The following RHOA variants were observed in gnomAD, a reference collection of about 807,000 sequenced individuals.
The protein encoded by RHOA is transforming protein RhoA.
RHOA carries 3 observed loss-of-function variants against 17.5 expected under a neutral mutation model. The ratio of observed to expected loss-of-function variants is 0.17; its 90% CI spans 0.08 to 0.44. RHOA has a LOEUF of 0.44. RHOA is among the 20% of genes least tolerant of loss of function. The pLI, the probability that RHOA is intolerant of heterozygous loss-of-function variation, is 0.99. For synonymous variants in RHOA, 98 were observed against 88.4 expected, an observed-to-expected ratio of 1.11 and a Z score of -0.61; for missense variants, 56 against 242.3, an observed-to-expected ratio of 0.23 and a Z score of 5.10.
chr3:49,384,067 A>G (rs2048359520), intron 1 of RHOA, among the ~76,000 whole-genome samples: 1 of 152,118 alleles, frequency 6.6e-6, no homozygotes, highest in African/African-American at 2.4e-5. Flanking sequence ...AATATCTGAT[A>G]AAGAACATTT....
intron 1 of RHOA, among the ~76,000 whole-genome samples, chr3:49,394,018 C>A (rs1292674350): frequency 1.3e-5 from 2 of 151,440 alleles, no homozygotes; most frequent in East Asian, 3.9e-4. Flanking sequence ...CTACAGGCAC[C>A]CGCCAACACG....
In RHOA at chr3:49,386,777, T is replaced by C. The variant is rs370352519; in HGVS notation, c.-2-11186A>G. On this transcript the variant is annotated intron_variant, in intron 1 of 4. Transcript: ENST00000418115. ...TCAGTCTCTGATGTATTTGATTAACTCTGTCTATGTCTATATTCAGTATGA... is the reference window on the plus strand; with the variant it reads ...TCAGTCTCTGATGTATTTGATTAACCCTGTCTATGTCTATATTCAGTATGA... Among the ~76,000 whole-genome samples the C allele has an allele frequency of 7.9e-5, 12 of 152,254 alleles. No individual in the cohort carries two copies. In the South Asian group the frequency reaches 2.5e-3, roughly 32 times the overall value.
intron 1 of RHOA, among the ~76,000 whole-genome samples, chr3:49,397,854 G>A (rs2048644298): frequency 2.0e-5 from 3 of 152,122 alleles, no homozygotes; most frequent in Admixed American, 1.3e-4. Flanking sequence ...AGCTGATAGA[G>A]GCAAGGAAAG....
intron 1 of RHOA, among the ~76,000 whole-genome samples, chr3:49,399,437 C>T (rs1282033829): frequency 5.9e-5 from 9 of 151,736 alleles, no homozygotes; most frequent in African/African-American, 2.2e-4. Flanking sequence ...AAGTGATGTG[C>T]CAAATATGTC....
At position 49,388,733 on chromosome 3, in the gene RHOA, T is replaced by A. The variant is rs540111629; in HGVS notation, c.-2-13142A>T. ...GCCCACTAATAACTAATTTAGTATC[T>A]CACATTTTGAAATGTGGAGCTGTTC... On this transcript the variant is annotated intron_variant, in intron 1 of 4. Coordinates refer to ENST00000418115, the MANE Select transcript of RHOA (RefSeq NM_001664.4). Among the ~76,000 whole-genome samples the A allele has an allele frequency of 7.3e-4, 111 of 152,306 alleles. 1 individual carries two copies. Among genetic ancestry groups the A allele is most frequent in the African/African-American group, 2.6e-3 (107 of 41,580 alleles).
chr3:49,385,542 GTTTTT>G (rs766685362), intron 1 of RHOA, among the ~76,000 whole-genome samples: 1 of 151,602 alleles, frequency 6.6e-6, no homozygotes, highest in Non-Finnish European at 1.5e-5. Context: ...AAACTCAGTT[GTTTTT>G]TTTATTTTTT....
At chr3:49,394,873 T>C (rs1257139157) in intron 1 of RHOA, among the ~76,000 whole-genome samples, 2 of 152,134 alleles carry the variant, frequency 1.3e-5, no homozygotes, top group African/African-American at 4.8e-5. Context: ...ACAAGTCCCC[T>C]GGAAAGAGCG....
intron 1 of RHOA, among the ~76,000 whole-genome samples, chr3:49,376,559 C>T (rs1269658942): frequency 3.4e-5 from 5 of 147,088 alleles, no homozygotes; most frequent in Non-Finnish European, 5.9e-5. Context: ...AGGAGAATGG[C>T]GTGAACCCAG....
chr3:49,408,856 G>A (rs1328749887), intron 1 of RHOA, among the ~76,000 whole-genome samples: 1 of 150,930 alleles, frequency 6.6e-6, no homozygotes, highest in Admixed American at 6.6e-5. Flanking sequence ...ACAGTGGCGC[G>A]ATCTCAGCTC....
chr3:49,393,668 TTCTC>T (rs765605913), intron 1 of RHOA, among the ~76,000 whole-genome samples: 1,971 of 29,426 alleles, frequency 0.067, 25 homozygotes, highest in Middle Eastern at 0.095. Context: ...TTGTCTCAAA[TTCTC>T]TCTCTGTGTG....
At position 49,360,222 on chromosome 3, in the gene RHOA, C is replaced by A; in HGVS notation, c.569G>T (p.Cys190Phe). The A allele has an allele frequency of 6.2e-7, 1 of 1,613,162 alleles. No homozygotes were observed. Among genetic ancestry groups the A allele is most frequent in the Non-Finnish European group, 8.5e-7 (1 of 1,179,736 alleles). Residue 190 changes from cysteine (C) to phenylalanine (F), a missense_variant, in exon 5 of 5, where the codon TGC becomes TTC. This residue lies in a region of RHOA where 39 missense variants were observed against 86.0 expected (regional missense o/e 0.45). Transcript: ENST00000418115. ...TGCAGCAAGGTTTCACAAGACAAGG[C>A]ACCCAGATTTTTTCTTCCCACGTCT... ...QARRGKKKSGCLVL is the reference protein window; with the variant it reads ...QARRGKKKSGFLVL
chr3:49,373,643 T>A (rs1471372954), intron 2 of RHOA, among the ~76,000 whole-genome samples: 3 of 152,024 alleles, frequency 2.0e-5, no homozygotes, highest in Non-Finnish European at 4.4e-5. Flanking sequence ...ACCTCATCTC[T>A]AAAAACATAA....
intron 1 of RHOA, among the ~76,000 whole-genome samples, chr3:49,396,808 GACC>G (rs991617319): frequency 6.6e-6 from 1 of 151,942 alleles, no homozygotes; most frequent in African/African-American, 2.4e-5. Flanking sequence ...AACATAGTGA[GACC>G]ACATCTTTAC....
At chr3:49,411,579 G>A (rs1388543415) in intron 1 of RHOA, among the ~76,000 whole-genome samples, 1 of 151,838 alleles carries the variant, frequency 6.6e-6, no homozygotes, top group Non-Finnish European at 1.5e-5. Context: ...AGGCCCGGCC[G>A]GGCGGGGGAA....
intron 1 of RHOA, among the ~76,000 whole-genome samples, chr3:49,380,948 A>ATG (rs1207075226): frequency 6.6e-6 from 1 of 151,432 alleles, no homozygotes; most frequent in East Asian, 1.9e-4. Context: ...GTGTATATAT[A>ATG]TAGATACAGA....
In RHOA at chr3:49,389,720, T is replaced by C. The variant is rs529572825; in HGVS notation, c.-2-14129A>G. ...ACTTTGGGAGGCCGAGGCAGGCGGA[T>C]CACGAGGTCAGGATATTGACACCAT... On this transcript the variant is annotated intron_variant, in intron 1 of 4. Transcript: ENST00000418115. 8.8e-4 allele frequency among the ~76,000 whole-genome samples: 134 copies of C among 151,990 alleles called. 1 individual carries two copies. The highest frequency in any genetic ancestry group is 3.1e-3 in the African/African-American group (127 of 41,470).
Position 49,388,378 on chromosome 3 carries a change from T to C in RHOA, c.-2-12787A>G, listed in dbSNP as rs536070333. ...TTCTGAGCTTTAGGGAGCTCTGCTA[T>C]AGAAAGAATGATAGGTGAAGGCCAG... On this transcript the variant is annotated intron_variant, in intron 1 of 4. Coordinates refer to ENST00000418115, the MANE Select transcript of RHOA (RefSeq NM_001664.4). 5.3e-5 allele frequency among the ~76,000 whole-genome samples: 8 copies of C among 152,234 alleles called. No individual in the cohort carries two copies. The South Asian group carries it at 1.2e-3, about 24-fold the overall frequency.
chr3:49,401,846 T>C (rs775970983), intron 1 of RHOA, among the ~76,000 whole-genome samples: 7 of 152,176 alleles, frequency 4.6e-5, no homozygotes, highest in Non-Finnish European at 8.8e-5. Context: ...CCACTAGGCA[T>C]TTCCTTTGAA....
chr3:49,375,485 C>T lies in RHOA; in HGVS notation c.105G>A (p.Val35=), dbSNP rs201447185. Residue 35 remains valine (V), a synonymous_variant, in exon 2 of 5, where the codon GTG becomes GTA. Transcript: ENST00000418115. ...CCACATAGTTCTCAAACACTGTGGG[C>T]ACATACACCTCTGGGAACTGGTCCT... ...FSKDQFPEVY[V]PTVFENYVAD... 1 of 1,614,088 alleles carries T rather than the reference C, an allele frequency of 6.2e-7. No homozygotes were observed. The highest frequency in any genetic ancestry group is 2.2e-5 in the East Asian group (1 of 44,880).
Sources: allele counts gnomAD v4.1 joint callset (sites outside exome capture counted in the v4.1 genomes callset), GRCh38; gene constraint gnomAD v4.1.1; regional missense constraint gnomAD v4.1.1; transcripts MANE v1.5; gene names NCBI Gene and HGNC (gene_info 2026-07-23, HGNC 2026-07-21).